The following ELN variants were observed in gnomAD, a reference collection of about 807,000 sequenced individuals.
ELN encodes the protein elastin, also known as tropoelastin.
ELN carries 65 observed loss-of-function variants against 105.8 expected under a neutral mutation model. That is an observed-to-expected ratio of 0.61 (90% confidence interval 0.50 to 0.75). The LOEUF is 0.75. ELN is among the 30% of genes least tolerant of loss of function. The pLI is 0.00. For synonymous variants in ELN, 368 were observed against 389.2 expected, an observed-to-expected ratio of 0.95 and a Z score of 0.64; for missense variants, 882 against 969.4, an observed-to-expected ratio of 0.91 and a Z score of 1.20.
At chr7:74,033,977 G>C (rs1789309646) in intron 1 of ELN, among the ~76,000 whole-genome samples, 1 of 152,212 alleles carries the variant, frequency 6.6e-6, no homozygotes, top group African/African-American at 2.4e-5. Context: ...TCTGGATCCA[G>C]CATCACAGCG....
At chr7:74,037,276 C>T (rs1414587559) in intron 3 of ELN, among the ~76,000 whole-genome samples, 1 of 151,784 alleles carries the variant, frequency 6.6e-6, no homozygotes, top group African/African-American at 2.4e-5. Flanking sequence ...TCACTGTAAC[C>T]TCCACCTCCC....
At chr7:74,064,423 A>AATATAT (rs60621659) in intron 29 of ELN, among the ~76,000 whole-genome samples, 105 of 133,146 alleles carry the variant, frequency 7.9e-4, no homozygotes, top group South Asian at 2.4e-3. Flanking sequence ...TCAAAAAAAA[A>AATATAT]ATATATATAT....
Position 74,065,743 on chromosome 7 carries a change from C to G in ELN, c.2032+11C>G, listed in dbSNP as rs1309500280. ...AAGCAGCTAAATACGGTGAGTTCCC[C>G]TCTGATGCCTTCCTGCCAGTGGCCT... On this transcript the variant is annotated intron_variant, in intron 30 of 32. Transcript: ENST00000252034. 1 of 1,613,996 alleles carries G rather than the reference C, an allele frequency of 6.2e-7. No individual in the cohort carries two copies. The highest frequency in any genetic ancestry group is 8.5e-7 in the Non-Finnish European group (1 of 1,180,014).
At chr7:74,040,319 G>A (rs1352748878) in intron 4 of ELN, among the ~76,000 whole-genome samples, 2 of 152,232 alleles carry the variant, frequency 1.3e-5, no homozygotes, top group Non-Finnish European at 2.9e-5. Context: ...GTGCTGGGAA[G>A]TGACTCCTGC....
intron 31 of ELN, among the ~76,000 whole-genome samples, chr7:74,066,404 T>TA (rs1292606584): frequency 2.2e-4 from 34 of 151,628 alleles, no homozygotes; most frequent in South Asian, 6.2e-4. Context: ...CTGTCTCTAC[T>TA]AAAAAAAATG....
intron 2 of ELN, among the ~76,000 whole-genome samples, chr7:74,036,034 T>C (rs1035149957): frequency 1.3e-5 from 2 of 152,148 alleles, no homozygotes; most frequent in Admixed American, 6.5e-5. Flanking sequence ...CTCAAGCCTG[T>C]AATCCCAGCA....
chr7:74,028,605 C>A (rs1283592425), intron 1 of ELN, among the ~76,000 whole-genome samples: 2 of 152,284 alleles, frequency 1.3e-5, no homozygotes, highest in African/African-American at 2.4e-5. Flanking sequence ...CCAGCGGGAA[C>A]CCCTGGGTCT....
chr7:74,045,515 G>T (rs1384022037), intron 10 of ELN, among the ~76,000 whole-genome samples: 2 of 152,142 alleles, frequency 1.3e-5, no homozygotes, highest in African/African-American at 4.8e-5. Flanking sequence ...GAGCTGGGAG[G>T]ATCGCTTGAG....
chr7:74,038,515 C>T (rs544792691), intron 4 of ELN, among the ~76,000 whole-genome samples: 1 of 152,224 alleles, frequency 6.6e-6, no homozygotes, highest in African/African-American at 2.4e-5. Context: ...CTGGGATCTG[C>T]CACGAGGGTC....
intron 9 of ELN, 87 bp downstream of exon 9, chr7:74,044,007 AGAC>A: frequency 6.5e-7 from 1 of 1,548,900 alleles, no homozygotes; most frequent in Non-Finnish European, 8.8e-7. Context: ...TTGCTTTGGG[AGAC>A]TGAGGCAGGA....
chr7:74,044,033 GC>G, intron 9 of ELN, 113 bp downstream of exon 9: 1 of 1,440,916 alleles, frequency 6.9e-7, no homozygotes, highest in Non-Finnish European at 9.5e-7. Flanking sequence ...ATGGCTTGAG[GC>G]CAGGAGTTTG....
Position 74,056,322 on chromosome 7 carries a change from C to G in ELN, c.1202C>G (p.Ala401Gly). The stretch of plus-strand genomic sequence containing the variant: ...GGCATTCCTACTTACGGGGTTGGAG[C>G]TGGGGGCTTTCCCGGCTTTGGTGTC... ...VGGIPTYGVG[A>G]GGFPGFGVGV... Residue 401 changes from alanine (A) to glycine (G), a missense_variant, in exon 20 of 33, where the codon GCT (alanine) becomes GGT (glycine). By Grantham distance (60) the Ala-to-Gly change is moderately conservative (BLOSUM62 0). Coordinates refer to ENST00000252034, the MANE Select transcript of ELN (RefSeq NM_000501.4). 1 of 1,614,130 alleles carries G rather than the reference C, an allele frequency of 6.2e-7. No homozygotes were observed. The highest frequency in any genetic ancestry group is 8.5e-7 in the Non-Finnish European group (1 of 1,180,030).
intron 21 of ELN, 148 bp from the exon 22 acceptor site, chr7:74,057,492 G>C (rs781899576): frequency 1.3e-6 from 2 of 1,581,324 alleles, no homozygotes; most frequent in East Asian, 4.5e-5. Flanking sequence ...CCAGCCCAGA[G>C]ATGGGTTTGG....
Position 74,069,836 on chromosome 7 carries a change from CT to C in ELN, c.*1145del, listed in dbSNP as rs886062436. On this transcript the variant is annotated 3_prime_UTR_variant, in exon 33 of 33. Coordinates refer to ENST00000252034, the MANE Select transcript of ELN (RefSeq NM_000501.4). ...TAATATAACTCTGGATGAAACACAC[CT>C]TTTTTTTTAATAAGAAAAGAGAATT... 74 of 203,066 alleles carry C rather than the reference CT, an allele frequency of 3.6e-4. No homozygotes were observed. The highest frequency in any genetic ancestry group is 6.0e-4 in the East Asian group (8 of 13,322). 12.6% of individuals were successfully genotyped at this position (203,066 alleles called of 1,614,324 possible).
intron 15 of ELN, among the ~76,000 whole-genome samples, chr7:74,049,263 C>T (rs1377144792): frequency 6.6e-6 from 1 of 151,798 alleles, no homozygotes; most frequent in Non-Finnish European, 1.5e-5. Flanking sequence ...TCCATCCATC[C>T]ATCCACTTAT....
chr7:74,038,523 G>C (rs1481615631), intron 4 of ELN, among the ~76,000 whole-genome samples: 1 of 152,254 alleles, frequency 6.6e-6, no homozygotes. Context: ...TGCCACGAGG[G>C]TCCACTCTCA....
chr7:74,043,278 T>A, intron 8 of ELN, 110 bp downstream of exon 8: 2 of 1,483,526 alleles, frequency 1.3e-6, no homozygotes, highest in Non-Finnish European at 1.8e-6. Flanking sequence ...GGGCAGGGCC[T>A]GGCTTCAGTC....
intron 2 of ELN, chr7:74,035,623 A>G: frequency 1.5e-6 from 1 of 661,634 alleles, no homozygotes; most frequent in Non-Finnish European, 2.7e-6. Context: ...TAATCTCAAC[A>G]CTCTGGGAGG....
intron 1 of ELN, among the ~76,000 whole-genome samples, chr7:74,030,591 G>A (rs563397684): frequency 6.6e-6 from 1 of 150,992 alleles, no homozygotes; most frequent in African/African-American, 2.4e-5. Context: ...TTGAGACAGG[G>A]TCTCGCTGTG....
Sources: allele counts gnomAD v4.1 joint callset (sites outside exome capture counted in the v4.1 genomes callset), GRCh38; gene constraint gnomAD v4.1.1; transcripts MANE v1.5; gene names NCBI Gene and HGNC (gene_info 2026-07-23, HGNC 2026-07-21).